The following TP63 variants were observed in gnomAD, a reference collection of about 807,000 sequenced individuals.
The protein encoded by TP63 is tumor protein 63.
TP63 carries 17 observed loss-of-function variants against 82.8 expected under a neutral mutation model. The ratio of observed to expected loss-of-function variants is 0.21; its 90% CI spans 0.14 to 0.31. TP63 has a LOEUF of 0.31. TP63 is among the 10% of genes least tolerant of loss of function. The pLI is 1.00. For missense variants in TP63, 648 were observed against 895.3 expected (o/e 0.72, Z 3.52); for synonymous variants, 330 against 321.7 (o/e 1.03, Z -0.28).
Position 189,646,474 on chromosome 3 carries a change from C to G in TP63, c.62+14897C>G, listed in dbSNP as rs909711801. On this transcript the variant is annotated intron_variant, in intron 1 of 13. Coordinates refer to ENST00000264731, the MANE Select transcript of TP63 (RefSeq NM_003722.5). Reference sequence around the variant, plus strand: ...ATATGGTATTTACATTTACTTACTTCAATGACTAAACTTTTAATTATTTCT... The same window carrying G: ...ATATGGTATTTACATTTACTTACTTGAATGACTAAACTTTTAATTATTTCT... 9.5e-5 allele frequency among the ~76,000 whole-genome samples: 14 copies of G among 147,466 alleles called. 1 individual carries two copies. The highest frequency in any genetic ancestry group is 2.1e-4 in the Non-Finnish European group (14 of 67,404).
chr3:189,802,346 G>A, intron 3 of TP63, among the ~76,000 whole-genome samples: 1 of 152,226 alleles, frequency 6.6e-6, no homozygotes, highest in East Asian at 1.9e-4. Context: ...TGAGGAAACT[G>A]TATGTGCTGC....
At chr3:189,772,443 T>C (rs972999734) in intron 3 of TP63, among the ~76,000 whole-genome samples, 1 of 152,232 alleles carries the variant, frequency 6.6e-6, no homozygotes, top group Non-Finnish European at 1.5e-5. Flanking sequence ...ATAAAATCTC[T>C]TGAAACTAGC....
At chr3:189,756,743 T>G (rs1187853054) in intron 3 of TP63, among the ~76,000 whole-genome samples, 2 of 152,118 alleles carry the variant, frequency 1.3e-5, no homozygotes, top group African/African-American at 4.8e-5. Context: ...CTCCCTCTCT[T>G]TTTAAGGAGG....
In TP63 at chr3:189,652,072, G is replaced by A. The variant is rs1364316299; in HGVS notation, c.62+20495G>A. On this transcript the variant is annotated intron_variant, in intron 1 of 13. Transcript: ENST00000264731. ...CTGGCAGAGTGGAAGGGAAATGTGG[G>A]GTTGGAGCTCCCACACAACATCTTC... Among the ~76,000 whole-genome samples the A allele has an allele frequency of 2.1e-4, 31 of 146,510 alleles. 2 individuals are homozygous for A. Among genetic ancestry groups the A allele is most frequent in the Non-Finnish European group, 1.5e-5 (1 of 67,166 alleles).
Position 189,652,870 on chromosome 3 carries a change from C to A in TP63, c.62+21293C>A, listed in dbSNP as rs138130378. Among the ~76,000 whole-genome samples, 31 of 146,796 alleles carry A rather than the reference C, an allele frequency of 2.1e-4. 1 individual carries two copies. Among genetic ancestry groups the A allele is most frequent in the African/African-American group, 7.1e-4 (28 of 39,164 alleles). On this transcript the variant is annotated intron_variant, in intron 1 of 13. Transcript: ENST00000264731. Reference sequence around the variant, plus strand: ...GCGCTCATTCTTCTCCTTCCTGTCACCATGTGAAGAAAGATATGTTTGCTT... The same window carrying A: ...GCGCTCATTCTTCTCCTTCCTGTCAACATGTGAAGAAAGATATGTTTGCTT...
At chr3:189,611,933 G>T in the TP63 span, among the ~76,000 whole-genome samples, 1 of 152,112 alleles carries the variant, frequency 6.6e-6, no homozygotes, top group Non-Finnish European at 1.5e-5. Context: ...TGGTTTGGTT[G>T]TTGGTGGTGT....
chr3:189,674,460 A>C (rs1715208335), intron 1 of TP63, among the ~76,000 whole-genome samples: 1 of 152,126 alleles, frequency 6.6e-6, no homozygotes, highest in Admixed American at 6.6e-5. Context: ...ACAAAGTAAG[A>C]CAGGGACACA....
At chr3:189,821,128 A>G (rs1304795948) in intron 4 of TP63, among the ~76,000 whole-genome samples, 2 of 152,252 alleles carry the variant, frequency 1.3e-5, no homozygotes, top group Non-Finnish European at 2.9e-5. Flanking sequence ...AAAAAGCAAT[A>G]ACAAATTAAG....
intron 4 of TP63, among the ~76,000 whole-genome samples, chr3:189,825,604 A>G (rs1729259643): frequency 6.6e-6 from 1 of 152,256 alleles, no homozygotes. Flanking sequence ...AAGAAAGAAT[A>G]AGCTTAAATA....
intron 3 of TP63, among the ~76,000 whole-genome samples, chr3:189,775,324 G>A (rs1470099347): frequency 6.7e-6 from 1 of 150,298 alleles, no homozygotes; most frequent in African/African-American, 2.4e-5. Context: ...GTGTTAACTT[G>A]TTTACATCTT....
chr3:189,762,376 A>G (rs1314063850), intron 3 of TP63, among the ~76,000 whole-genome samples: 1 of 152,000 alleles, frequency 6.6e-6, no homozygotes, highest in Non-Finnish European at 1.5e-5. Flanking sequence ...GTAGGGCATG[A>G]CTCCTCAGGT....
intron 4 of TP63, among the ~76,000 whole-genome samples, chr3:189,817,694 A>G (rs902382071): frequency 6.6e-6 from 1 of 152,086 alleles, no homozygotes; most frequent in Non-Finnish European, 1.5e-5. Flanking sequence ...ACATAAATAT[A>G]TAAGTCCCTA....
At chr3:189,679,122 A>G (rs1715696085) in intron 1 of TP63, among the ~76,000 whole-genome samples, 1 of 152,010 alleles carries the variant, frequency 6.6e-6, no homozygotes, top group Non-Finnish European at 1.5e-5. Flanking sequence ...TCTTCAAGTT[A>G]CTGATTTCAT....
intron 2 of TP63, 53 bp downstream of exon 2, chr3:189,737,921 G>A: frequency 6.2e-7 from 1 of 1,610,368 alleles, no homozygotes; most frequent in Non-Finnish European, 8.5e-7. Context: ...AGGTAAATGT[G>A]GGTGGTCAAA....
chr3:189,784,163 A>G (rs1724424963), intron 3 of TP63, among the ~76,000 whole-genome samples: 1 of 151,988 alleles, frequency 6.6e-6, no homozygotes, highest in Non-Finnish European at 1.5e-5. Context: ...TTTTAAATCC[A>G]TAATACAAAA....
At chr3:189,638,323 A>G (rs1227259307) in intron 1 of TP63, among the ~76,000 whole-genome samples, 1 of 152,138 alleles carries the variant, frequency 6.6e-6, no homozygotes, top group Non-Finnish European at 1.5e-5. Flanking sequence ...AAGGTAGAAT[A>G]TATGAGTGAA....
At chr3:189,692,086 C>G (rs188143986) in intron 1 of TP63, among the ~76,000 whole-genome samples, 1 of 152,130 alleles carries the variant, frequency 6.6e-6, no homozygotes, top group Admixed American at 6.5e-5. Flanking sequence ...ATTTCTAGCA[C>G]TCTCTATTAT....
intron 4 of TP63, among the ~76,000 whole-genome samples, chr3:189,861,527 G>A (rs911026633): frequency 1.3e-5 from 2 of 152,178 alleles, no homozygotes; most frequent in Non-Finnish European, 2.9e-5. Context: ...GAGCAAGACT[G>A]TATCCTTGAA....
intron 10 of TP63, among the ~76,000 whole-genome samples, chr3:189,874,079 A>G (rs1374599715): frequency 1.3e-5 from 2 of 151,798 alleles, no homozygotes; most frequent in Non-Finnish European, 2.9e-5. Context: ...GCTTATGATT[A>G]TTATTATTAT....
Sources: allele counts gnomAD v4.1 joint callset (sites outside exome capture counted in the v4.1 genomes callset), GRCh38; gene constraint gnomAD v4.1.1; transcripts MANE v1.5; gene names NCBI Gene and HGNC (gene_info 2026-07-23, HGNC 2026-07-21).